Variants in ZNF385D observed in about 807,000 individuals in gnomAD.
ZNF385D encodes the protein zinc finger protein 385D.
In ZNF385D, 15 loss-of-function variants were observed where a neutral mutation model predicts 35.8. That is an observed-to-expected ratio of 0.42 (90% confidence interval 0.28 to 0.64). The LOEUF (loss-of-function observed/expected upper bound fraction) is 0.64. Ranked by LOEUF, ZNF385D falls within the 30% of genes least tolerant of loss-of-function variation. ZNF385D has a pLI of 0.23. For synonymous variants in ZNF385D, 212 were observed against 186.8 expected (o/e 1.13, Z -1.10); for missense variants, 474 against 494.6 (o/e 0.96, Z 0.39).
chr3:22,019,011 GTTTCATGGATAGAGTTAT>G (rs1471023796), intron 3 of ZNF385D, among the ~76,000 whole-genome samples: 2 of 99,922 alleles, frequency 2.0e-5, no homozygotes, highest in African/African-American at 7.9e-5. Context: ...CCACTTCCCA[GTTTCATGGATAGAGTTAT>G]TTACCTTTTT....
chr3:21,421,777 T>G (rs1329214281), intron 7 of ZNF385D, among the ~76,000 whole-genome samples: 1 of 152,202 alleles, frequency 6.6e-6, no homozygotes, highest in Non-Finnish European at 1.5e-5. Context: ...TTTATCACCC[T>G]TTACACATAC....
chr3:21,598,043 G>A (rs2064173624), intron 2 of ZNF385D, among the ~76,000 whole-genome samples: 1 of 152,140 alleles, frequency 6.6e-6, no homozygotes, highest in South Asian at 2.1e-4. Flanking sequence ...TACCTTAAAG[G>A]AAACTACTAC....
At chr3:21,709,485 GAAAAC>G (rs71044936) in intron 1 of ZNF385D, among the ~76,000 whole-genome samples, 318 of 150,200 alleles carry the variant, frequency 2.1e-3, no homozygotes, top group African/African-American at 6.5e-3. Flanking sequence ...AGGCTTCTAT[GAAAAC>G]AAAACAAAAC....
At chr3:21,467,969 C>T (rs1323178339) in intron 4 of ZNF385D, among the ~76,000 whole-genome samples, 2 of 151,970 alleles carry the variant, frequency 1.3e-5, no homozygotes, top group Non-Finnish European at 2.9e-5. Flanking sequence ...ACAAATAAGA[C>T]TTGTCTACGG....
In ZNF385D at chr3:22,078,913, C is replaced by T. The variant is rs191911422; in HGVS notation, c.325+89904G>A. Among the ~76,000 whole-genome samples, 15 of 152,012 alleles carry T rather than the reference C, an allele frequency of 9.9e-5. No homozygotes were observed. In the East Asian group the frequency reaches 2.9e-3, roughly 29 times the overall value. ...ATAATGTTATTTCTAACAAAGTATG[C>T]TTTGTCAAAAAATGTGTGGAAATTG... On this transcript the variant is annotated intron_variant, in intron 3 of 5. Transcript: ENST00000494108.
At chr3:21,855,010 T>C (rs766083804) in intron 3 of ZNF385D, among the ~76,000 whole-genome samples, 3 of 151,946 alleles carry the variant, frequency 2.0e-5, no homozygotes, top group African/African-American at 7.2e-5. Context: ...CTCACATCTA[T>C]ACAACATGAT....
chr3:21,976,244 T>G lies in ZNF385D; in HGVS notation c.325+192573A>C, dbSNP rs539095163. ...TCAGAAGACTGGTAATGACAACACA[T>G]TTTTTTTAGAGATATTAAGTAATAG... On this transcript the variant is annotated intron_variant, in intron 3 of 5. Transcript: ENST00000494108. 3.3e-5 allele frequency among the ~76,000 whole-genome samples: 5 copies of G among 151,862 alleles called. No individual in the cohort carries two copies. The East Asian group carries it at 9.7e-4, about 29-fold the overall frequency.
intron 3 of ZNF385D, among the ~76,000 whole-genome samples, chr3:22,145,480 G>A (rs1261770542): frequency 6.6e-6 from 1 of 152,166 alleles, no homozygotes; most frequent in African/African-American, 2.4e-5. Context: ...CAGACTCTTT[G>A]CCTATGAAGG....
At chr3:21,969,009 C>G (rs1451688210) in intron 3 of ZNF385D, among the ~76,000 whole-genome samples, 2 of 152,112 alleles carry the variant, frequency 1.3e-5, no homozygotes, top group African/African-American at 4.8e-5. Flanking sequence ...AGACACAGAT[C>G]TGGCAGCTTT....
intron 3 of ZNF385D, among the ~76,000 whole-genome samples, chr3:22,078,346 T>C (rs528128682): frequency 2.6e-5 from 4 of 152,184 alleles, no homozygotes; most frequent in South Asian, 2.1e-4. Flanking sequence ...GCTCATCATT[T>C]GGTGATCATA....
At chr3:22,128,633 G>A (rs1028506505) in intron 3 of ZNF385D, among the ~76,000 whole-genome samples, 1 of 151,858 alleles carries the variant, frequency 6.6e-6, no homozygotes, top group South Asian at 2.1e-4. Context: ...TCTTTCTTCT[G>A]TTTGATAAAT....
chr3:22,219,365 A>C (rs1485255322), intron 2 of ZNF385D, among the ~76,000 whole-genome samples: 1 of 152,124 alleles, frequency 6.6e-6, no homozygotes, highest in Non-Finnish European at 1.5e-5. Flanking sequence ...ATAGCTAAGT[A>C]GGAAAATAGA....
intron 2 of ZNF385D, among the ~76,000 whole-genome samples, chr3:22,320,098 G>C (rs1190358173): frequency 1.3e-5 from 2 of 151,398 alleles, no homozygotes; most frequent in Non-Finnish European, 2.9e-5. Flanking sequence ...GCTTCATGTG[G>C]AATCTGGTGC....
intron 3 of ZNF385D, among the ~76,000 whole-genome samples, chr3:22,018,251 G>A (rs1157027275): frequency 1.3e-5 from 2 of 150,952 alleles, no homozygotes; most frequent in African/African-American, 2.4e-5. Flanking sequence ...TTTTTTTTAA[G>A]AATTTTTCGA....
chr3:21,740,534 T>A (rs1215336556), intron 1 of ZNF385D, among the ~76,000 whole-genome samples: 2 of 152,192 alleles, frequency 1.3e-5, no homozygotes, highest in Admixed American at 1.3e-4. Context: ...CTATAAAGGA[T>A]CCCAAGTAGA....
chr3:21,627,244 A>AGG (rs1181106911), intron 2 of ZNF385D, among the ~76,000 whole-genome samples: 59 of 95,908 alleles, frequency 6.2e-4, no homozygotes, highest in Middle Eastern at 5.2e-3. Flanking sequence ...AAAGAGGTGT[A>AGG]GGGTGTGTGT....
rs1559463536 is a variant in ZNF385D, at chr3:22,224,675, T to C, written c.107-55640A>G. ...GAGACAATCTTTTGTCAGCAGGTTA[T>C]TGCAAGATCCAACCAAAGTGAACTA... On this transcript the variant is annotated intron_variant, in intron 2 of 5. Transcript: ENST00000494108. Among the ~76,000 whole-genome samples, 3 of 152,184 alleles carry C rather than the reference T, an allele frequency of 2.0e-5. 1 individual carries two copies. The highest frequency in any genetic ancestry group is 4.1e-4 in the South Asian group (2 of 4,832).
chr3:22,344,691 G>A (rs990823494), intron 2 of ZNF385D, among the ~76,000 whole-genome samples: 16 of 152,036 alleles, frequency 1.1e-4, no homozygotes, highest in African/African-American at 3.6e-4. Flanking sequence ...CAATGTGCTA[G>A]GACTACAGGC....
At chr3:22,363,562 G>A (rs1361242420) in intron 2 of ZNF385D, among the ~76,000 whole-genome samples, 2 of 152,126 alleles carry the variant, frequency 1.3e-5, no homozygotes, top group Non-Finnish European at 2.9e-5. Context: ...GAAGACTCAT[G>A]AGAAACATTT....
Sources: allele counts gnomAD v4.1 joint callset (sites outside exome capture counted in the v4.1 genomes callset), GRCh38; gene constraint gnomAD v4.1.1; transcripts MANE v1.5; gene names NCBI Gene and HGNC (gene_info 2026-07-23, HGNC 2026-07-21).